The following AUTS2 variants were observed in gnomAD, a reference collection of about 807,000 sequenced individuals.
AUTS2 encodes the protein autism susceptibility gene 2 protein.
AUTS2 carries 17 observed loss-of-function variants against 112.4 expected under a neutral mutation model. The ratio of observed to expected loss-of-function variants is 0.15; its 90% confidence interval spans 0.10 to 0.23. AUTS2 has a LOEUF of 0.23. Ranked by LOEUF, AUTS2 falls within the 10% of genes least tolerant of loss-of-function variation. AUTS2 has a pLI of 1.00. For missense variants in AUTS2, 1,510 were observed against 1,701.6 expected (o/e 0.89, Z 1.98); for synonymous variants, 751 against 702.7 (o/e 1.07, Z -1.09).
Position 69,891,774 on chromosome 7 carries a change from C to CTTTTTTTTTTTTTT in AUTS2, c.310-7488_310-7475dup, listed in dbSNP as rs763424098. On this transcript the variant is annotated intron_variant, in intron 1 of 18. Coordinates refer to ENST00000342771, the MANE Select transcript of AUTS2 (RefSeq NM_015570.4). ...ATTCATTCACTTTCCAGACAGATAT[C>CTTTTTTTTTTTTTT]TTTTTTTTTTTTTTTTTTTTTTTTT... Among the ~76,000 whole-genome samples the CTTTTTTTTTTTTTT allele has an allele frequency of 1.1e-3, 29 of 26,736 alleles. 12 individuals carry two copies. Among genetic ancestry groups the CTTTTTTTTTTTTTT allele is most frequent in the East Asian group, 8.8e-3 (6 of 682 alleles). 17.5% of individuals were successfully genotyped at this position (26,736 alleles called of 152,430 possible).
chr7:69,720,547 T>A (rs1347538095), intron 1 of AUTS2, among the ~76,000 whole-genome samples: 3 of 152,238 alleles, frequency 2.0e-5, no homozygotes, highest in Non-Finnish European at 2.9e-5. Flanking sequence ...AATCCTTTTA[T>A]AACCACAGTC....
At chr7:69,956,714 A>T (rs1028542169) in intron 2 of AUTS2, among the ~76,000 whole-genome samples, 6 of 152,164 alleles carry the variant, frequency 3.9e-5, no homozygotes, top group African/African-American at 1.4e-4. Flanking sequence ...TGCTCTGTAG[A>T]GTGTGGCAGG....
chr7:70,692,293 G>A (rs1174737177), intron 5 of AUTS2, among the ~76,000 whole-genome samples: 2 of 152,226 alleles, frequency 1.3e-5, no homozygotes, highest in Non-Finnish European at 2.9e-5. Context: ...AGTTTACCCT[G>A]TAGGGGATGG....
At chr7:69,783,088 C>CTTTTTT (rs398047755) in intron 1 of AUTS2, among the ~76,000 whole-genome samples, 2 of 85,136 alleles carry the variant, frequency 2.3e-5, no homozygotes, top group East Asian at 3.8e-4. Flanking sequence ...TGCTGCTCAT[C>CTTTTTT]TTTTTTTTTT....
chr7:69,946,676 A>G (rs1320591014), intron 2 of AUTS2, among the ~76,000 whole-genome samples: 1 of 152,122 alleles, frequency 6.6e-6, no homozygotes, highest in Non-Finnish European at 1.5e-5. Flanking sequence ...AGCCATAAAT[A>G]ATGAAGTTCA....
At chr7:69,914,380 C>CACAT (rs1390398910) in intron 2 of AUTS2, among the ~76,000 whole-genome samples, 1 of 151,232 alleles carries the variant, frequency 6.6e-6, no homozygotes, top group African/African-American at 2.4e-5. Context: ...CACACACACA[C>CACAT]ACACACACAC....
At chr7:69,800,613 A>G (rs993126199) in intron 1 of AUTS2, among the ~76,000 whole-genome samples, 2 of 152,244 alleles carry the variant, frequency 1.3e-5, no homozygotes, top group African/African-American at 2.4e-5. Context: ...GCTTTCAGAA[A>G]GTGTCTGGCA....
At chr7:69,880,938 A>G (rs2129537648) in intron 1 of AUTS2, among the ~76,000 whole-genome samples, 1 of 152,306 alleles carries the variant, frequency 6.6e-6, no homozygotes, top group Middle Eastern at 3.4e-3. Flanking sequence ...TTATTTGTAT[A>G]ATTCAGCAGC....
At chr7:69,948,467 G>A (rs1190805421) in intron 2 of AUTS2, among the ~76,000 whole-genome samples, 3 of 152,130 alleles carry the variant, frequency 2.0e-5, no homozygotes, top group African/African-American at 7.2e-5. Flanking sequence ...CAGAATGTAA[G>A]CAAACTAGTT....
At chr7:70,594,690 G>A (rs1028205884) in intron 5 of AUTS2, among the ~76,000 whole-genome samples, 1 of 152,192 alleles carries the variant, frequency 6.6e-6, no homozygotes. Context: ...TGTATGGGCG[G>A]AGGTTGCAAA....
chr7:70,604,772 C>T (rs59406594), intron 5 of AUTS2, among the ~76,000 whole-genome samples: 1,898 of 152,324 alleles, frequency 0.012, 38 homozygotes, highest in African/African-American at 0.042. Context: ...GAGGCCACAG[C>T]TCTGCCTTCT....
chr7:69,807,588 T>A (rs1193978041), intron 1 of AUTS2, among the ~76,000 whole-genome samples: 1 of 152,136 alleles, frequency 6.6e-6, no homozygotes, highest in Non-Finnish European at 1.5e-5. Flanking sequence ...TTTTTTTAGC[T>A]GGAAATTTTC....
intron 1 of AUTS2, among the ~76,000 whole-genome samples, chr7:69,754,085 G>T (rs896414031): frequency 6.6e-6 from 1 of 152,172 alleles, no homozygotes; most frequent in African/African-American, 2.4e-5. Flanking sequence ...GTGGTTTTGT[G>T]CAGAGTGCTC....
chr7:70,000,319 A>G (rs895018131), intron 2 of AUTS2, among the ~76,000 whole-genome samples: 2 of 152,212 alleles, frequency 1.3e-5, no homozygotes, highest in African/African-American at 4.8e-5. Context: ...CTTTGTATCC[A>G]GCGTCACAGG....
At chr7:69,630,949 C>G (rs1021840832) in intron 1 of AUTS2, among the ~76,000 whole-genome samples, 2 of 151,130 alleles carry the variant, frequency 1.3e-5, no homozygotes, top group African/African-American at 4.9e-5. Context: ...CTCTGTGGTC[C>G]GAATATCCAT....
Position 70,791,314 on chromosome 7 carries a change from T to TGGGGGGGGG in AUTS2, c.*325_*326insGGGGGGGGG, listed in dbSNP as rs147864778. On this transcript the variant is annotated 3_prime_UTR_variant, in exon 19 of 19. Coordinates refer to ENST00000342771, the MANE Select transcript of AUTS2 (RefSeq NM_015570.4). Reference sequence around the variant, plus strand: ...TGGATGATAATTGTAGCGGGGGCGGTGGGGGGGAGAAGTCCACGCCATCCA... The same window carrying TGGGGGGGGG: ...TGGATGATAATTGTAGCGGGGGCGGTGGGGGGGGGGGGGGGGAGAAGTCCACGCCATCCA... 2 of 78,772 alleles carry TGGGGGGGGG rather than the reference T, an allele frequency of 2.5e-5. No individual in the cohort carries two copies. Among genetic ancestry groups the TGGGGGGGGG allele is most frequent in the Non-Finnish European group, 4.8e-5 (2 of 41,892 alleles). The allele number at this position is 78,772 out of a possible 1,614,324, so 4.9% of individuals were successfully genotyped here.
chr7:70,471,035 G>A (rs573550867), intron 5 of AUTS2, among the ~76,000 whole-genome samples: 10 of 152,258 alleles, frequency 6.6e-5, no homozygotes, highest in Non-Finnish European at 1.3e-4. Context: ...CAAGCGAGCC[G>A]GGCTCTTCCC....
chr7:70,300,729 T>C (rs1789174028), intron 4 of AUTS2, among the ~76,000 whole-genome samples: 1 of 152,220 alleles, frequency 6.6e-6, no homozygotes, highest in South Asian at 2.1e-4. Flanking sequence ...AAATATTTTT[T>C]ACCTATTCAT....
At chr7:69,739,558 AAAC>A (rs1251067322) in intron 1 of AUTS2, among the ~76,000 whole-genome samples, 2 of 152,158 alleles carry the variant, frequency 1.3e-5, no homozygotes, top group Non-Finnish European at 2.9e-5. Context: ...GCTCAAAAGA[AAAC>A]AACAACCAAA....
Sources: allele counts gnomAD v4.1 joint callset (sites outside exome capture counted in the v4.1 genomes callset), GRCh38; gene constraint gnomAD v4.1.1; transcripts MANE v1.5; gene names NCBI Gene and HGNC (gene_info 2026-07-23, HGNC 2026-07-21).